Variants in PLAAT3 observed in about 807,000 individuals in gnomAD.
PLAAT3 encodes the protein Ca-independent phospholipase A1/2.
Under a neutral mutation model 16.7 loss-of-function variants are expected in PLAAT3, and 21 were observed. The observed-to-expected ratio is 1.26, with a 90% confidence interval of 0.89 to 1.81. PLAAT3 has a LOEUF of 1.81. Among genes scored for constraint, PLAAT3 ranks in the 40% most tolerant of loss-of-function variants. The pLI is 0.00. For synonymous variants in PLAAT3, 76 were observed against 81.7 expected (o/e 0.93, Z 0.38); for missense variants, 219 against 213.7 (o/e 1.02, Z -0.16).
At chr11:63,606,112 C>T (rs1938551394) in intron 2 of PLAAT3, among the ~76,000 whole-genome samples, 1 of 152,070 alleles carries the variant, frequency 6.6e-6, no homozygotes, top group Non-Finnish European at 1.5e-5. Flanking sequence ...GCGGTGTAAG[C>T]GGCCAACGAC....
At chr11:63,594,369 A>G (rs908903045) in intron 3 of PLAAT3, among the ~76,000 whole-genome samples, 20 of 152,136 alleles carry the variant, frequency 1.3e-4, no homozygotes, top group African/African-American at 4.8e-4. Context: ...GGGAAATGAG[A>G]GAGGAGGAGG....
intron 3 of PLAAT3, among the ~76,000 whole-genome samples, chr11:63,590,990 G>A (rs2134408853): frequency 6.6e-6 from 1 of 152,202 alleles, no homozygotes; most frequent in East Asian, 1.9e-4. Context: ...CAGGATGGTG[G>A]ACAGGGAAAG....
chr11:63,578,742 C>T (rs1217203427), intron 4 of PLAAT3, among the ~76,000 whole-genome samples: 170 of 147,056 alleles, frequency 1.2e-3, no homozygotes, highest in Non-Finnish European at 1.5e-3. Flanking sequence ...TAAAGACTTA[C>T]ATGTTAGACC....
Position 63,596,922 on chromosome 11 carries a change from T to C in PLAAT3, c.118+1139A>G, listed in dbSNP as rs932058769. ...ACCAGCCTGACCAATATGATGAAAA[T>C]CCATCTCTACTAAAAATAGAAAAAT... On this transcript the variant is annotated intron_variant, in intron 3 of 4. Transcript: ENST00000415826. Among the ~76,000 whole-genome samples the C allele has an allele frequency of 1.3e-4, 20 of 151,172 alleles. 3 individuals are homozygous for C. The highest frequency in any genetic ancestry group is 1.3e-3 in the Admixed American group (19 of 15,120).
intron 2 of PLAAT3, 36 bp downstream of exon 2, chr11:63,613,964 C>G: frequency 7.6e-7 from 1 of 1,314,410 alleles, no homozygotes; most frequent in Non-Finnish European, 1.1e-6. Context: ...CAGGGGGCTC[C>G]CAGCCCCGCC....
At chr11:63,581,842 G>A (rs181992656) in intron 4 of PLAAT3, among the ~76,000 whole-genome samples, 130 of 152,198 alleles carry the variant, frequency 8.5e-4, no homozygotes, top group African/African-American at 2.9e-3. Flanking sequence ...CAACACTTAC[G>A]GAAAATAGAA....
At chr11:63,600,666 G>A (rs984388055) in intron 2 of PLAAT3, among the ~76,000 whole-genome samples, 9 of 151,806 alleles carry the variant, frequency 5.9e-5, no homozygotes, top group African/African-American at 2.2e-4. Flanking sequence ...GCAGTGGTGC[G>A]ATCTCGGCTC....
At chr11:63,606,118 A>G (rs1408216532) in intron 2 of PLAAT3, among the ~76,000 whole-genome samples, 2 of 152,054 alleles carry the variant, frequency 1.3e-5, no homozygotes, top group Admixed American at 6.6e-5. Context: ...TAAGCGGCCA[A>G]CGACACCCCT....
intron 2 of PLAAT3, among the ~76,000 whole-genome samples, chr11:63,601,323 C>G (rs1363979391): frequency 1.3e-5 from 2 of 150,352 alleles, no homozygotes; most frequent in Non-Finnish European, 3.0e-5. Context: ...GAGTGAGACT[C>G]CATCTCAAAA....
At chr11:63,598,857 A>G in intron 2 of PLAAT3, 3 of 416,002 alleles carry the variant, frequency 7.2e-6, no homozygotes, top group South Asian at 3.5e-5. Context: ...GTTCACATTG[A>G]GTGAGTATGT....
intron 2 of PLAAT3, among the ~76,000 whole-genome samples, chr11:63,612,113 G>A (rs1309905294): frequency 6.6e-6 from 1 of 152,176 alleles, no homozygotes; most frequent in Non-Finnish European, 1.5e-5. Context: ...ACTCCAGCCT[G>A]GACAACAAGA....
At chr11:63,598,725 G>T (rs1486176443) in intron 2 of PLAAT3, 1 of 517,980 alleles carries the variant, frequency 1.9e-6, no homozygotes. Flanking sequence ...GCCAGAGGCT[G>T]CCAGATCTGG....
chr11:63,599,016 A>G (rs1198562361), intron 2 of PLAAT3, among the ~76,000 whole-genome samples: 2 of 152,112 alleles, frequency 1.3e-5, no homozygotes, highest in Non-Finnish European at 2.9e-5. Context: ...GAGGTTCAAG[A>G]TCCCATCCAT....
intron 4 of PLAAT3, among the ~76,000 whole-genome samples, chr11:63,582,125 C>T (rs764989174): frequency 2.6e-5 from 4 of 152,164 alleles, no homozygotes; most frequent in Admixed American, 6.5e-5. Flanking sequence ...CATTGTGACT[C>T]CAGAGCCTAG....
At position 63,598,199 on chromosome 11, in the gene PLAAT3, T is replaced by G. The variant is rs372985043; in HGVS notation, c.16-36A>C. 4.3e-3 allele frequency: 6,245 copies of G among 1,445,398 alleles called. 252 individuals are homozygous for G. The South Asian group carries it at 0.068, about 16-fold the overall frequency. 89.5% of individuals were successfully genotyped at this position (1,445,398 alleles called of 1,614,324 possible). Reference sequence around the variant, plus strand: ...AAGAACAGGGCTGTTAGAGGGAGCATGAGATCGTGGAACCAGGACAGGGCT... The same window carrying G: ...AAGAACAGGGCTGTTAGAGGGAGCAGGAGATCGTGGAACCAGGACAGGGCT... On this transcript the variant is annotated intron_variant, in intron 2 of 4. Coordinates refer to ENST00000415826, the MANE Select transcript of PLAAT3 (RefSeq NM_001128203.2).
intron 2 of PLAAT3, among the ~76,000 whole-genome samples, chr11:63,611,747 A>C (rs1183244872): frequency 1.3e-5 from 2 of 152,278 alleles, no homozygotes; most frequent in Admixed American, 6.5e-5. Flanking sequence ...TCATTTCTAA[A>C]GCAATGGATT....
chr11:63,605,932 C>T (rs980843222), intron 2 of PLAAT3, among the ~76,000 whole-genome samples: 2 of 152,106 alleles, frequency 1.3e-5, no homozygotes, highest in Admixed American at 6.5e-5. Flanking sequence ...ACAACACAGC[C>T]GACCCGCGCT....
rs2017636382 is a variant in PLAAT3 at position 63,574,777 on chromosome 11, G to C, written c.*168C>G. On this transcript the variant is annotated 3_prime_UTR_variant, in exon 5 of 5. Coordinates refer to ENST00000415826, the MANE Select transcript of PLAAT3 (RefSeq NM_001128203.2). ...ACAGACTTCACACCAGGCAGTTCTTGCTGCACTTCCCCCAATAAAATCCTC... is the reference window on the plus strand; with the variant it reads ...ACAGACTTCACACCAGGCAGTTCTTCCTGCACTTCCCCCAATAAAATCCTC... 1.7e-6 allele frequency: 1 copy of C among 601,382 alleles called. No individual in the cohort carries two copies. The highest frequency in any genetic ancestry group is 2.8e-5 in the Admixed American group (1 of 35,092). 37.3% of individuals were successfully genotyped at this position (601,382 alleles called of 1,614,324 possible).
In PLAAT3 at chr11:63,614,079, G is replaced by C. The variant is rs1186929851; in HGVS notation, c.-54-11C>G. Reference sequence around the variant, plus strand: ...TCGCTGCGTAGATGTCTGAGGCAGGGGGAGCAGGGATTTATTGTCATTAAC... The same window carrying C: ...TCGCTGCGTAGATGTCTGAGGCAGGCGGAGCAGGGATTTATTGTCATTAAC... On this transcript the variant is annotated splice_polypyrimidine_tract_variant and intron_variant, in intron 1 of 4. Coordinates refer to ENST00000415826, the MANE Select transcript of PLAAT3 (RefSeq NM_001128203.2). 1 of 1,612,318 alleles carries C rather than the reference G, an allele frequency of 6.2e-7. No individual in the cohort carries two copies. The highest frequency in any genetic ancestry group is 1.7e-5 in the Admixed American group (1 of 59,954).
Sources: gnomAD v4.1 joint callset for allele counts (sites outside exome capture counted in the v4.1 genomes callset) on GRCh38, gnomAD v4.1.1 for gene constraint, MANE v1.5 for transcripts, NCBI Gene and HGNC (gene_info 2026-07-23, HGNC 2026-07-21) for gene names.